The following AOAH variants were observed in gnomAD, a reference collection of about 807,000 sequenced individuals.
AOAH encodes the protein acyloxyacyl hydrolase (neutrophil).
In AOAH, 64 loss-of-function variants were observed where a neutral mutation model predicts 92.2. The ratio of observed to expected loss-of-function variants is 0.69; its 90% CI spans 0.57 to 0.86. The LOEUF is 0.86. Among genes scored for constraint, AOAH ranks in the 40% least tolerant of loss-of-function variants. AOAH has a pLI of 0.00. For missense variants in AOAH, 656 were observed against 694.6 expected (o/e 0.94, Z 0.62); for synonymous variants, 263 against 254.5 (o/e 1.03, Z -0.32).
chr7:36,532,060 C>T, intron 18 of AOAH, 87 bp downstream of exon 18: 1 of 1,505,466 alleles, frequency 6.6e-7, no homozygotes, highest in Non-Finnish European at 9.2e-7. Flanking sequence ...ATCTGCCTGC[C>T]AGGATCCCAT....
chr7:36,655,797 A>G (rs550767170), intron 4 of AOAH, among the ~76,000 whole-genome samples: 2 of 152,278 alleles, frequency 1.3e-5, no homozygotes, highest in South Asian at 2.1e-4. Flanking sequence ...CACTGGGTAT[A>G]GAGTGGTGAA....
In AOAH at chr7:36,530,473, G is replaced by A; in HGVS notation, c.1467C>T (p.Ala489=). ...GATTGAAGTTTGTAAATTTCTCACT[G>A]GCTGCAATTTTTTTCAGTGTGTTGG... is the stretch of plus-strand genomic sequence containing the variant. ...QLSNTLKKIA[A]SEKFTNFNLF... Residue 489 remains alanine, a synonymous_variant, in exon 19 of 21, where the codon GCC becomes GCT. Coordinates refer to ENST00000617537, the MANE Select transcript of AOAH (RefSeq NM_001637.4). 6.2e-7 allele frequency: 1 copy of A among 1,613,834 alleles called. No homozygotes were observed. The highest frequency in any genetic ancestry group is 8.5e-7 in the Non-Finnish European group (1 of 1,179,804).
intron 15 of AOAH, among the ~76,000 whole-genome samples, chr7:36,546,919 A>T (rs763785133): frequency 5.9e-5 from 9 of 152,190 alleles, no homozygotes; most frequent in African/African-American, 9.7e-5. Context: ...CGTGGTGCTC[A>T]CTGTATATTT....
At chr7:36,584,574 A>G (rs2116710687) in intron 12 of AOAH, among the ~76,000 whole-genome samples, 1 of 152,148 alleles carries the variant, frequency 6.6e-6, no homozygotes, top group Non-Finnish European at 1.5e-5. Flanking sequence ...ATTTTCTCCT[A>G]TTTGTTGATT....
At chr7:36,633,158 G>C (rs1793256717) in intron 5 of AOAH, among the ~76,000 whole-genome samples, 1 of 152,262 alleles carries the variant, frequency 6.6e-6, no homozygotes, top group African/African-American at 2.4e-5. Flanking sequence ...GAGGAAGAGA[G>C]ACGGCCTGAG....
chr7:36,517,931 CCACACACACACACCCACACA>C lies in AOAH; in HGVS notation c.1599+4088_1599+4107del, dbSNP rs1351989948. 5.7e-3 allele frequency among the ~76,000 whole-genome samples: 497 copies of C among 87,844 alleles called. 3 individuals carry two copies. Among genetic ancestry groups the C allele is most frequent in the African/African-American group, 0.019 (441 of 23,390 alleles). 57.6% of individuals were successfully genotyped at this position (87,844 alleles called of 152,430 possible). On this transcript the variant is annotated intron_variant, in intron 20 of 20. Transcript: ENST00000617537. ...TTTATATCTGAACACACACACACAC[CCACACACACACACCCACACA>C]CACACACACACACACACACGCACAC... is the stretch of plus-strand genomic sequence containing the variant.
intron 13 of AOAH, among the ~76,000 whole-genome samples, chr7:36,574,682 G>A (rs992282038): frequency 2.0e-5 from 3 of 152,112 alleles, no homozygotes; most frequent in Admixed American, 6.6e-5. Flanking sequence ...CCTTGGACAA[G>A]CCCTGTTCTA....
At chr7:36,521,718 A>G (rs991929968) in intron 20 of AOAH, among the ~76,000 whole-genome samples, 1 of 126,638 alleles carries the variant, frequency 7.9e-6, no homozygotes, top group African/African-American at 3.0e-5. Context: ...TTTTTCTTGT[A>G]TTATGGAAGC....
At chr7:36,700,624 T>C (rs1472916104) in intron 1 of AOAH, among the ~76,000 whole-genome samples, 1 of 152,140 alleles carries the variant, frequency 6.6e-6, no homozygotes, top group African/African-American at 2.4e-5. Flanking sequence ...CTATTGTGAA[T>C]AGTGCTGCAA....
intron 11 of AOAH, among the ~76,000 whole-genome samples, chr7:36,595,656 A>G (rs1457184098): frequency 1.3e-5 from 2 of 152,274 alleles, no homozygotes; most frequent in Non-Finnish European, 2.9e-5. Flanking sequence ...GAACATACTT[A>G]TACTTGAAAA....
intron 19 of AOAH, 48 bp downstream of exon 19, chr7:36,530,370 C>G: frequency 7.1e-7 from 1 of 1,399,222 alleles, no homozygotes; most frequent in Non-Finnish European, 1.0e-6. Flanking sequence ...AGGCCCTAAA[C>G]TAGCTGCTGC....
chr7:36,698,533 A>G (rs1323888162), intron 1 of AOAH, among the ~76,000 whole-genome samples: 2 of 151,442 alleles, frequency 1.3e-5, no homozygotes, highest in African/African-American at 4.9e-5. Flanking sequence ...TTAATTTTAG[A>G]TTTTTCTTTT....
At chr7:36,572,034 G>C (rs1788178057) in intron 13 of AOAH, among the ~76,000 whole-genome samples, 1 of 152,000 alleles carries the variant, frequency 6.6e-6, no homozygotes, top group Admixed American at 6.6e-5. Flanking sequence ...CTAGCATACA[G>C]AAAAGATAAA....
intron 11 of AOAH, among the ~76,000 whole-genome samples, chr7:36,600,907 G>A (rs959255555): frequency 6.6e-6 from 1 of 152,264 alleles, no homozygotes; most frequent in African/African-American, 2.4e-5. Flanking sequence ...TATGGAGACC[G>A]TGTCTAATTT....
chr7:36,618,803 C>T (rs573374821), intron 9 of AOAH, among the ~76,000 whole-genome samples: 3 of 152,186 alleles, frequency 2.0e-5, no homozygotes, highest in African/African-American at 7.2e-5. Flanking sequence ...AGGACATTGG[C>T]AATGTCTGGA....
chr7:36,665,433 T>G (rs921697782), intron 3 of AOAH, among the ~76,000 whole-genome samples: 17 of 152,118 alleles, frequency 1.1e-4, no homozygotes, highest in African/African-American at 4.1e-4. Context: ...CTAGAATTTT[T>G]TTTTTTTTTT....
At chr7:36,632,866 C>T (rs930819285) in intron 5 of AOAH, among the ~76,000 whole-genome samples, 8 of 152,182 alleles carry the variant, frequency 5.3e-5, no homozygotes, top group South Asian at 2.1e-4. Flanking sequence ...AATCAGCAAC[C>T]GTTTCAGAAT....
At chr7:36,643,674 C>A (rs1017942921) in intron 4 of AOAH, among the ~76,000 whole-genome samples, 1 of 152,098 alleles carries the variant, frequency 6.6e-6, no homozygotes, top group African/African-American at 2.4e-5. Context: ...TGTCTCTGCC[C>A]GAATCTCATG....
At chr7:36,668,232 A>G (rs73094969) in intron 3 of AOAH, among the ~76,000 whole-genome samples, 20,543 of 152,196 alleles carry the variant, frequency 0.13, 1,560 homozygotes, top group Middle Eastern at 0.18. Context: ...ACTATGAGAA[A>G]TCAGTTGAAC....
Sources: gnomAD v4.1 joint callset for allele counts (sites outside exome capture counted in the v4.1 genomes callset) on GRCh38, gnomAD v4.1.1 for gene constraint, MANE v1.5 for transcripts, NCBI Gene and HGNC (gene_info 2026-07-23, HGNC 2026-07-21) for gene names.